SLC39A8: variants seen among roughly 807,000 people sequenced by gnomAD.
The protein encoded by SLC39A8 is solute carrier family 39 member 8.
In SLC39A8, 15 loss-of-function variants were observed where a neutral mutation model predicts 40.4. That is an observed-to-expected ratio of 0.37 (90% CI 0.25 to 0.57). The LOEUF is 0.57. Among genes scored for constraint, SLC39A8 ranks in the 20% least tolerant of loss-of-function variants. The pLI, the probability that SLC39A8 is intolerant of heterozygous loss-of-function variation, is 0.75. For missense variants in SLC39A8, 472 were observed against 558.8 expected (o/e 0.84, Z 1.57); for synonymous variants, 223 against 221.6 (o/e 1.01, Z -0.06).
chr4:102,317,722 G>T (rs1325765541), intron 2 of SLC39A8, among the ~76,000 whole-genome samples: 1 of 152,160 alleles, frequency 6.6e-6, no homozygotes, highest in African/African-American at 2.4e-5. Flanking sequence ...CTGCAAGGAA[G>T]ACTTACCCTA....
chr4:102,338,600 G>C (rs1440950277), intron 2 of SLC39A8, among the ~76,000 whole-genome samples: 1 of 152,154 alleles, frequency 6.6e-6, no homozygotes, highest in African/African-American at 2.4e-5. Flanking sequence ...TAACCAGATA[G>C]GCAGTCGATG....
intron 3 of SLC39A8, among the ~76,000 whole-genome samples, chr4:102,312,648 C>T (rs1734482457): frequency 6.6e-6 from 1 of 152,114 alleles, no homozygotes; most frequent in South Asian, 2.1e-4. Context: ...ACTTCCTGTA[C>T]CTAGAGTTAT....
In SLC39A8 at chr4:102,263,718, T is replaced by C. The variant is rs140965471; in HGVS notation, c.1234-525A>G. Among the ~76,000 whole-genome samples the C allele has an allele frequency of 8.3e-3, 1,261 of 152,312 alleles. 14 individuals carry two copies. The highest frequency in any genetic ancestry group is 0.029 in the African/African-American group (1,208 of 41,586). ...CCCACAGTAGAAATTATTTCCAAAGTGGAGGCAATCCTCTCAAACTCTGTC... is the reference window on the plus strand; with the variant it reads ...CCCACAGTAGAAATTATTTCCAAAGCGGAGGCAATCCTCTCAAACTCTGTC... On this transcript the variant is annotated intron_variant, in intron 8 of 8. Coordinates refer to ENST00000356736, the MANE Select transcript of SLC39A8 (RefSeq NM_001135146.2).
chr4:102,290,017 T>G (rs1733352069), intron 6 of SLC39A8, among the ~76,000 whole-genome samples: 1 of 152,170 alleles, frequency 6.6e-6, no homozygotes, highest in Admixed American at 6.5e-5. Flanking sequence ...TGTTCTCGCA[T>G]GTACAGAGAA....
intron 2 of SLC39A8, among the ~76,000 whole-genome samples, chr4:102,328,217 A>T (rs1735300709): frequency 6.6e-6 from 1 of 152,144 alleles, no homozygotes; most frequent in Non-Finnish European, 1.5e-5. Context: ...CCTCTCAGTC[A>T]TTCCTCAACC....
At chr4:102,277,771 C>G (rs1316682166) in intron 6 of SLC39A8, among the ~76,000 whole-genome samples, 1 of 152,148 alleles carries the variant, frequency 6.6e-6, no homozygotes, top group Admixed American at 6.6e-5. Flanking sequence ...CAGCATAGTA[C>G]TGGTACCAAA....
chr4:102,333,842 C>T (rs895750487), intron 2 of SLC39A8, among the ~76,000 whole-genome samples: 2 of 151,196 alleles, frequency 1.3e-5, no homozygotes, highest in African/African-American at 4.9e-5. Context: ...GAGATGGAAA[C>T]CTGAGGAGCA....
At position 102,308,989 on chromosome 4, in the gene SLC39A8, C is replaced by T. The variant is rs543064548; in HGVS notation, c.383-1384G>A. Among the ~76,000 whole-genome samples the T allele has an allele frequency of 3.3e-5, 5 of 152,196 alleles. No individual in the cohort carries two copies. In the South Asian group the frequency reaches 1.0e-3, roughly 32 times the overall value. ...CTGGACAGTCTGGCTCCCAGGCCCA[C>T]ATTTTTTAGCATATGCTTTATTATT... On this transcript the variant is annotated intron_variant, in intron 3 of 8. Coordinates refer to ENST00000356736, the MANE Select transcript of SLC39A8 (RefSeq NM_001135146.2).
intron 6 of SLC39A8, among the ~76,000 whole-genome samples, chr4:102,275,287 C>CAA (rs759240368): frequency 1.6e-5 from 2 of 121,946 alleles, no homozygotes; most frequent in Non-Finnish European, 3.6e-5. Context: ...GCAAAAAAAA[C>CAA]AAAAACAAAA....
chr4:102,296,714 G>A (rs1057279805), intron 6 of SLC39A8, among the ~76,000 whole-genome samples: 1 of 152,068 alleles, frequency 6.6e-6, no homozygotes. Context: ...ACATCCAACT[G>A]CCTTGCAAGA....
chr4:102,330,715 T>A (rs183708365), intron 2 of SLC39A8, among the ~76,000 whole-genome samples: 2 of 152,124 alleles, frequency 1.3e-5, no homozygotes, highest in Admixed American at 6.5e-5. Context: ...GGCAAAGACA[T>A]AACAGAAAAA....
intron 8 of SLC39A8, among the ~76,000 whole-genome samples, chr4:102,265,968 T>G (rs1364436413): frequency 2.0e-5 from 3 of 152,244 alleles, no homozygotes; most frequent in African/African-American, 7.2e-5. Context: ...GTGGACTAAA[T>G]CCTTCACGTT....
chr4:102,342,651 A>T (rs1735995622), intron 2 of SLC39A8, among the ~76,000 whole-genome samples: 1 of 152,216 alleles, frequency 6.6e-6, no homozygotes, highest in Non-Finnish European at 1.5e-5. Context: ...TAAATATGCA[A>T]ACATGAGAAT....
chr4:102,343,153 A>G (rs1404427515), intron 2 of SLC39A8, among the ~76,000 whole-genome samples: 2 of 152,218 alleles, frequency 1.3e-5, no homozygotes, highest in East Asian at 3.9e-4. Flanking sequence ...TTACTAAAGA[A>G]CATGCATAAG....
At chr4:102,276,105 A>G (rs1390819304) in intron 6 of SLC39A8, among the ~76,000 whole-genome samples, 1 of 152,218 alleles carries the variant, frequency 6.6e-6, no homozygotes, top group Non-Finnish European at 1.5e-5. Context: ...CAAATTCAAA[A>G]GCCAGCTGAA....
chr4:102,265,094 T>G (rs1307663469), intron 8 of SLC39A8, among the ~76,000 whole-genome samples: 2 of 152,246 alleles, frequency 1.3e-5, no homozygotes, highest in African/African-American at 4.8e-5. Context: ...AACTGGGCTA[T>G]CTGGCAAACA....
At chr4:102,277,035 G>A (rs1408166294) in intron 6 of SLC39A8, among the ~76,000 whole-genome samples, 1 of 152,026 alleles carries the variant, frequency 6.6e-6, no homozygotes, top group African/African-American at 2.4e-5. Flanking sequence ...CCACTTCATA[G>A]TCAATGGGCA....
chr4:102,325,616 C>G (rs559471126), intron 2 of SLC39A8, among the ~76,000 whole-genome samples: 2 of 152,248 alleles, frequency 1.3e-5, no homozygotes, highest in Admixed American at 1.3e-4. Flanking sequence ...AAGGATAAAT[C>G]TGTGCTCCAA....
At chr4:102,271,987 A>G (rs1177581900) in intron 6 of SLC39A8, among the ~76,000 whole-genome samples, 6 of 152,124 alleles carry the variant, frequency 3.9e-5, no homozygotes, top group African/African-American at 1.4e-4. Context: ...GCAGCCAAGT[A>G]TATGGTGTCA....
Sources: gnomAD v4.1 joint callset for allele counts (sites outside exome capture counted in the v4.1 genomes callset) on GRCh38, gnomAD v4.1.1 for gene constraint, MANE v1.5 for transcripts, NCBI Gene and HGNC (gene_info 2026-07-23, HGNC 2026-07-21) for gene names.